The following KDM6A variants were observed in gnomAD, a reference collection of about 807,000 sequenced individuals.
The protein encoded by KDM6A is lysine demethylase 6A.
A neutral mutation model predicts 117.6 loss-of-function variants in KDM6A; 11 were observed. That is an observed-to-expected ratio of 0.09 (90% CI 0.06 to 0.15). The LOEUF (loss-of-function observed/expected upper bound fraction) is 0.15, where lower values mean the gene tolerates loss of function less well. Among genes scored for constraint, KDM6A ranks in the 10% least tolerant of loss-of-function variants. The pLI is 1.00. For missense variants in KDM6A, 799 were observed against 1,077.3 expected (o/e 0.74, Z 3.62); for synonymous variants, 384 against 396.1 (o/e 0.97, Z 0.36).
chrX:44,874,013 G>T (rs200269409), intron 2 of KDM6A, 26 bp downstream of exon 2: 4 of 1,188,248 alleles, frequency 3.4e-6, no homozygotes, highest in Non-Finnish European at 4.6e-6. Context: ...GTCGGAGCGC[G>T]GACACCGTCT....
At chrX:45,105,469 T>C (rs1358815579) in intron 27 of KDM6A, among the ~76,000 whole-genome samples, 2 of 110,798 alleles carry the variant, frequency 1.8e-5, no homozygotes, top group Non-Finnish European at 3.8e-5. Context: ...ATCTACAGAG[T>C]TTTAGGCATT....
intron 2 of KDM6A, among the ~76,000 whole-genome samples, chrX:44,882,191 GA>G (rs1436485456): frequency 9.0e-6 from 1 of 110,524 alleles, no homozygotes; most frequent in Non-Finnish European, 1.9e-5. Flanking sequence ...CTCTCTTTTT[GA>G]AAAAAAAGTT....
intron 4 of KDM6A, among the ~76,000 whole-genome samples, chrX:44,977,492 G>C (rs763851498): frequency 6.8e-4 from 75 of 110,958 alleles, no homozygotes; most frequent in African/African-American, 2.4e-3. Flanking sequence ...CTCAATCACT[G>C]GCCTCAAGTA....
intron 2 of KDM6A, among the ~76,000 whole-genome samples, chrX:44,923,303 A>G (rs1384653526): frequency 1.8e-5 from 2 of 109,862 alleles, no homozygotes; most frequent in Non-Finnish European, 3.8e-5. Flanking sequence ...AAATTCGGAA[A>G]ATTTTTTGCT....
intron 4 of KDM6A, among the ~76,000 whole-genome samples, chrX:44,997,748 T>A (rs957675749): frequency 6.3e-5 from 7 of 111,871 alleles, no homozygotes; most frequent in South Asian, 3.7e-4. Flanking sequence ...TCACTCTGGG[T>A]TTTTGGGAAT....
intron 5 of KDM6A, among the ~76,000 whole-genome samples, chrX:45,015,255 C>T (rs1266176857): frequency 9.1e-6 from 1 of 109,911 alleles, no homozygotes; most frequent in Non-Finnish European, 1.9e-5. Flanking sequence ...GGCTTGAAGG[C>T]TTGAACCACT....
intron 6 of KDM6A, among the ~76,000 whole-genome samples, chrX:45,030,304 C>CT (rs1232986805): frequency 4.3e-5 from 3 of 69,220 alleles, no homozygotes; most frequent in African/African-American, 1.2e-4. Context: ...CCCCCCACCC[C>CT]TTTTTTTTGT....
chrX:44,961,207 A>G, intron 2 of KDM6A, 77 bp from the exon 3 acceptor site: 1 of 669,880 alleles, frequency 1.5e-6, no homozygotes, highest in Non-Finnish European at 2.3e-6. Context: ...AATGGAGGCT[A>G]TATGCATTAT....
At chrX:44,900,516 T>C (rs188338877) in intron 2 of KDM6A, among the ~76,000 whole-genome samples, 53 of 112,316 alleles carry the variant, frequency 4.7e-4, no homozygotes, top group African/African-American at 1.7e-3. Context: ...AGACTTTTTT[T>C]CTGAGAAAAA....
intron 23 of KDM6A, 42 bp downstream of exon 23, chrX:45,082,831 G>A (rs1569538365): frequency 1.2e-6 from 1 of 840,309 alleles, no homozygotes. Context: ...GATGCAAAGA[G>A]TTATCCTGTG....
chrX:44,995,493 G>T (rs1010180572), intron 4 of KDM6A, among the ~76,000 whole-genome samples: 1 of 109,747 alleles, frequency 9.1e-6, no homozygotes. Flanking sequence ...TATTTGAGAC[G>T]GAGTCTTGCT....
At chrX:44,947,909 A>G (rs999436628) in intron 2 of KDM6A, among the ~76,000 whole-genome samples, 3 of 111,541 alleles carry the variant, frequency 2.7e-5, no homozygotes, top group African/African-American at 6.5e-5. Context: ...ATAAGACCCC[A>G]GAACCCAACA....
chrX:45,080,512 T>C (rs2045350755), intron 21 of KDM6A, among the ~76,000 whole-genome samples: 1 of 111,959 alleles, frequency 8.9e-6, no homozygotes, highest in Non-Finnish European at 1.9e-5. Context: ...TCTTCAAATG[T>C]CCTACCACTG....
intron 8 of KDM6A, among the ~76,000 whole-genome samples, chrX:45,040,862 G>A (rs1378721289): frequency 1.2e-5 from 1 of 83,385 alleles, no homozygotes; most frequent in Non-Finnish European, 2.4e-5. Context: ...CGGCTGGCCG[G>A]GCGGGGGGCT....
At chrX:45,091,128 G>A (rs2045877555) in intron 27 of KDM6A, among the ~76,000 whole-genome samples, 1 of 111,051 alleles carries the variant, frequency 9.0e-6, no homozygotes, top group Non-Finnish European at 1.9e-5. Flanking sequence ...TGAACCACCT[G>A]ATATCCCAGG....
At chrX:44,887,526 A>G (rs1301728177) in intron 2 of KDM6A, among the ~76,000 whole-genome samples, 2 of 111,306 alleles carry the variant, frequency 1.8e-5, no homozygotes, top group Admixed American at 9.6e-5. Context: ...ATTTTGCCAC[A>G]TAGTTTTGTG....
intron 2 of KDM6A, among the ~76,000 whole-genome samples, chrX:44,893,199 A>G (rs2033533918): frequency 9.1e-6 from 1 of 110,023 alleles, no homozygotes; most frequent in African/African-American, 3.3e-5. Flanking sequence ...AAAAACAAAA[A>G]AAACCTTGCT....
chrX:45,066,861 C>G (rs762718321), intron 17 of KDM6A, among the ~76,000 whole-genome samples: 9 of 112,001 alleles, frequency 8.0e-5, no homozygotes, highest in Non-Finnish European at 1.5e-4. Flanking sequence ...GCAGGGAGCC[C>G]CCAGCCTTTG....
At chrX:44,932,855 T>C (rs1428655268) in intron 2 of KDM6A, among the ~76,000 whole-genome samples, 2 of 110,660 alleles carry the variant, frequency 1.8e-5, no homozygotes, top group African/African-American at 3.3e-5. Flanking sequence ...GCATAGCTGT[T>C]ACTTTGGTAT....
Sources: allele counts gnomAD v4.1 joint callset (sites outside exome capture counted in the v4.1 genomes callset), GRCh38; gene constraint gnomAD v4.1.1; transcripts MANE v1.5; gene names NCBI Gene and HGNC (gene_info 2026-07-23, HGNC 2026-07-21).